ZMIZ1: variants seen among roughly 807,000 people sequenced by gnomAD.
The protein encoded by ZMIZ1 is zinc finger MIZ domain-containing protein 1.
ZMIZ1 carries 17 observed loss-of-function variants against 113.9 expected under a neutral mutation model. The ratio of observed to expected loss-of-function variants is 0.15; its 90% CI spans 0.10 to 0.22. ZMIZ1 has a LOEUF of 0.22. Ranked by LOEUF, ZMIZ1 falls within the 10% of genes least tolerant of loss-of-function variation. The pLI, the probability that ZMIZ1 is intolerant of heterozygous loss-of-function variation, is 1.00. For synonymous variants in ZMIZ1, 607 were observed against 603.1 expected, an observed-to-expected ratio of 1.01 and a Z score of -0.09; for missense variants, 1,059 against 1,477.8, an observed-to-expected ratio of 0.72 and a Z score of 4.65.
At chr10:79,272,580 G>C (rs959587562) in intron 7 of ZMIZ1, among the ~76,000 whole-genome samples, 3 of 152,130 alleles carry the variant, frequency 2.0e-5, no homozygotes, top group Admixed American at 2.0e-4. Flanking sequence ...GTTTCAGCAG[G>C]AGTGCTAGCC....
intron 7 of ZMIZ1, among the ~76,000 whole-genome samples, chr10:79,244,646 C>T (rs1429807733): frequency 2.0e-5 from 3 of 152,238 alleles, no homozygotes; most frequent in East Asian, 1.9e-4. Context: ...GCTGATGGCT[C>T]TTCCAGCAGG....
At chr10:79,285,606 T>C (rs757250526) in intron 8 of ZMIZ1, 14 of 455,998 alleles carry the variant, frequency 3.1e-5, no homozygotes, top group South Asian at 2.2e-4. Flanking sequence ...ATATTCATTT[T>C]CAGCATCACT....
intron 3 of ZMIZ1, among the ~76,000 whole-genome samples, chr10:79,146,924 G>T (rs1845511021): frequency 6.7e-6 from 1 of 148,428 alleles, no homozygotes; most frequent in South Asian, 2.2e-4. Flanking sequence ...CCCACAAGTG[G>T]CTGTGCGTGT....
chr10:79,094,099 C>T (rs773379868), intron 1 of ZMIZ1, among the ~76,000 whole-genome samples: 20 of 152,240 alleles, frequency 1.3e-4, no homozygotes, highest in Non-Finnish European at 2.6e-4. Context: ...CTGTTCCACA[C>T]GTCACAGCTG....
At chr10:79,300,451 A>AC (rs1340257713) in intron 16 of ZMIZ1, among the ~76,000 whole-genome samples, 5 of 151,780 alleles carry the variant, frequency 3.3e-5, no homozygotes, top group Non-Finnish European at 7.4e-5. Context: ...CCAGGAGTTG[A>AC]CCCCTACAGG....
chr10:79,238,264 G>A (rs918737003), intron 7 of ZMIZ1, among the ~76,000 whole-genome samples: 4 of 152,220 alleles, frequency 2.6e-5, no homozygotes, highest in East Asian at 1.9e-4. Context: ...GTGGGGCACC[G>A]GGTGGTATTG....
At chr10:79,227,228 C>G (rs1849231464) in intron 7 of ZMIZ1, among the ~76,000 whole-genome samples, 1 of 152,174 alleles carries the variant, frequency 6.6e-6, no homozygotes. Flanking sequence ...GAACTGCTTG[C>G]AAGTGGAGGC....
At chr10:79,071,257 G>C (rs1284297561) in intron 1 of ZMIZ1, among the ~76,000 whole-genome samples, 2 of 152,248 alleles carry the variant, frequency 1.3e-5, no homozygotes, top group Non-Finnish European at 2.9e-5. Flanking sequence ...GCTGCAACCT[G>C]GGAACCGGGC....
At chr10:79,246,343 G>T (rs771166422) in intron 7 of ZMIZ1, among the ~76,000 whole-genome samples, 6 of 152,238 alleles carry the variant, frequency 3.9e-5, no homozygotes, top group Non-Finnish European at 4.4e-5. Context: ...TTGATCGGGC[G>T]GGAGCGCCAG....
At chr10:79,311,360 A>G (rs576683431) in intron 24 of ZMIZ1, among the ~76,000 whole-genome samples, 176 bp downstream of exon 24, 20 of 152,224 alleles carry the variant, frequency 1.3e-4, no homozygotes, top group Admixed American at 1.0e-3. Context: ...GGGAAGTGTC[A>G]CCACTGAGGG....
chr10:79,168,221 C>T (rs527919123), intron 4 of ZMIZ1, among the ~76,000 whole-genome samples: 6 of 152,342 alleles, frequency 3.9e-5, no homozygotes, highest in African/African-American at 1.2e-4. Flanking sequence ...TTCAGGTGCT[C>T]GTCTCCGTCC....
At chr10:79,240,073 G>A (rs950853166) in intron 7 of ZMIZ1, among the ~76,000 whole-genome samples, 1 of 152,240 alleles carries the variant, frequency 6.6e-6, no homozygotes, top group Admixed American at 6.5e-5. Flanking sequence ...GGCAGGAGGA[G>A]TTCAAACACC....
chr10:79,113,130 G>A (rs1310467780), intron 1 of ZMIZ1, among the ~76,000 whole-genome samples: 1 of 152,180 alleles, frequency 6.6e-6, no homozygotes, highest in Non-Finnish European at 1.5e-5. Flanking sequence ...TGCCTTCGGA[G>A]CCTCAGGTGG....
chr10:79,162,912 G>A (rs1156368226), intron 4 of ZMIZ1, among the ~76,000 whole-genome samples: 1 of 152,194 alleles, frequency 6.6e-6, no homozygotes, highest in African/African-American at 2.4e-5. Flanking sequence ...GCTGGGGCCA[G>A]CAGGTCCTAA....
intron 1 of ZMIZ1, among the ~76,000 whole-genome samples, chr10:79,075,576 C>CATGCACACACATGCACACATGCACACAT (rs1554846534): frequency 2.7e-5 from 4 of 149,262 alleles, no homozygotes; most frequent in African/African-American, 1.0e-4. Flanking sequence ...CATGCACACA[C>CATGCACACACATGCACACATGCACACAT]ATGCACACAT....
Position 79,203,897 on chromosome 10 carries a change from G to A in ZMIZ1, c.60+2205G>A, listed in dbSNP as rs75460687. ...CTCACCTGCCCCGGCACACACATGC[G>A]TGCACACACACAGAGGGCTCTGCTT... On this transcript the variant is annotated intron_variant, in intron 5 of 24. Coordinates refer to ENST00000334512, the MANE Select transcript of ZMIZ1 (RefSeq NM_020338.4). Among the ~76,000 whole-genome samples, 344 of 152,266 alleles carry A rather than the reference G, an allele frequency of 2.3e-3. 2 individuals carry two copies. The highest frequency in any genetic ancestry group is 8.0e-3 in the African/African-American group (333 of 41,548).
At chr10:79,095,463 G>A (rs1357148921) in intron 1 of ZMIZ1, among the ~76,000 whole-genome samples, 1 of 152,192 alleles carries the variant, frequency 6.6e-6, no homozygotes, top group Non-Finnish European at 1.5e-5. Flanking sequence ...CCCTTGTGCA[G>A]AGCCAACCCC....
chr10:79,215,473 A>G (rs1172088882), intron 6 of ZMIZ1, among the ~76,000 whole-genome samples: 1 of 151,812 alleles, frequency 6.6e-6, no homozygotes, highest in East Asian at 1.9e-4. Flanking sequence ...TAATTTTTGT[A>G]TTTTTAGGAG....
intron 2 of ZMIZ1, among the ~76,000 whole-genome samples, chr10:79,125,103 A>G (rs1234141982): frequency 5.9e-5 from 9 of 152,186 alleles, no homozygotes; most frequent in Non-Finnish European, 7.4e-5. Flanking sequence ...CTCTTCAGCA[A>G]CCCAGGCACC....
Sources: gnomAD v4.1 joint callset for allele counts (sites outside exome capture counted in the v4.1 genomes callset) on GRCh38, gnomAD v4.1.1 for gene constraint, MANE v1.5 for transcripts, NCBI Gene and HGNC (gene_info 2026-07-23, HGNC 2026-07-21) for gene names.